Variants in CFAP299 observed in about 807,000 individuals in gnomAD.
CFAP299 encodes cilia- and flagella-associated protein 299.
CFAP299 carries 21 observed loss-of-function variants against 27.0 expected under a neutral mutation model. The observed-to-expected ratio is 0.78, with a 90% CI of 0.55 to 1.12. The LOEUF is 1.12. Ranked by LOEUF, CFAP299 falls within the 50% of genes most tolerant of loss-of-function variation. CFAP299 has a pLI of 0.00. For synonymous variants in CFAP299, 104 were observed against 98.1 expected, an observed-to-expected ratio of 1.06 and a Z score of -0.36; for missense variants, 310 against 276.6, an observed-to-expected ratio of 1.12 and a Z score of -0.86.
At position 80,386,582 on chromosome 4, in the gene CFAP299, T is replaced by C. The variant is rs569067831; in HGVS notation, c.242+23698T>C. 1.1e-5 allele frequency: 18 copies of C among 1,597,586 alleles called. No individual in the cohort carries two copies. In the Admixed American group the frequency reaches 2.5e-4, roughly 22 times the overall value. ...GGGGCCGAGACGACAGCGGTGATCT[T>C]TGAGGTATTTGTGGCGGAAAAAGCC... On this transcript the variant is annotated intron_variant, in intron 2 of 5. Transcript: ENST00000358105.
At chr4:80,872,562 A>G (rs1412514191) in intron 4 of CFAP299, 1 of 152,102 alleles carries the variant, frequency 6.6e-6, no homozygotes, top group Non-Finnish European at 1.5e-5. Context: ...TATTTTTCAG[A>G]GTAGTTGTAT....
chr4:80,408,052 ATGGATATT>A (rs1726522510), intron 2 of CFAP299, among the ~76,000 whole-genome samples: 1 of 152,066 alleles, frequency 6.6e-6, no homozygotes, highest in African/African-American at 2.4e-5. Flanking sequence ...TTTCTTGTTG[ATGGATATT>A]TGGATTTCTT....
At chr4:80,710,861 A>C (rs1722121772) in intron 3 of CFAP299, among the ~76,000 whole-genome samples, 2 of 152,140 alleles carry the variant, frequency 1.3e-5, no homozygotes, top group South Asian at 4.1e-4. Flanking sequence ...CTGGGACTTC[A>C]CAAACAAATC....
chr4:80,584,534 C>A (rs1736335427), intron 3 of CFAP299, among the ~76,000 whole-genome samples: 1 of 151,974 alleles, frequency 6.6e-6, no homozygotes, highest in Admixed American at 6.6e-5. Flanking sequence ...ATTTACAGAG[C>A]AGATCAACCT....
chr4:80,390,249 G>A (rs1725252153), intron 2 of CFAP299, among the ~76,000 whole-genome samples: 1 of 151,676 alleles, frequency 6.6e-6, no homozygotes, highest in South Asian at 2.1e-4. Flanking sequence ...TACTGAAACT[G>A]TATACCCTTT....
At chr4:80,860,398 T>G (rs140976945) in intron 3 of CFAP299, among the ~76,000 whole-genome samples, 15 of 152,328 alleles carry the variant, frequency 9.8e-5, no homozygotes, top group Non-Finnish European at 2.1e-4. Context: ...GAGGCCTTCT[T>G]CTCTCAACTC....
At chr4:80,510,625 T>C (rs1343081986) in intron 2 of CFAP299, among the ~76,000 whole-genome samples, 1 of 152,178 alleles carries the variant, frequency 6.6e-6, no homozygotes, top group Non-Finnish European at 1.5e-5. Context: ...TGACCCAGCC[T>C]CTGCTTCTAG....
chr4:80,904,402 G>T (rs938011357), intron 4 of CFAP299, among the ~76,000 whole-genome samples: 1 of 152,262 alleles, frequency 6.6e-6, no homozygotes, highest in Non-Finnish European at 1.5e-5. Context: ...CCAGGTCCTA[G>T]TCAGATTGGC....
Position 80,825,049 on chromosome 4 carries a change from T to A in CFAP299, c.334-44944T>A, listed in dbSNP as rs930455016. Among the ~76,000 whole-genome samples, 5 of 151,930 alleles carry A rather than the reference T, an allele frequency of 3.3e-5. No individual in the cohort carries two copies. In the South Asian group the frequency reaches 8.3e-4, roughly 25 times the overall value. On this transcript the variant is annotated intron_variant, in intron 3 of 5. Transcript: ENST00000358105. ...CAAGAAAAGAATGTATATAAAAATG[T>A]ATATATCAACAAAGAGATATAAACC...
chr4:80,561,111 A>G (rs1735017770), intron 2 of CFAP299, among the ~76,000 whole-genome samples: 1 of 152,174 alleles, frequency 6.6e-6, no homozygotes, highest in Non-Finnish European at 1.5e-5. Flanking sequence ...GTGGCTCAGA[A>G]CAGAGACAGA....
chr4:80,686,833 C>T lies in CFAP299; in HGVS notation c.333+103650C>T, dbSNP rs543240783. On this transcript the variant is annotated intron_variant, in intron 3 of 5. Coordinates refer to ENST00000358105, the MANE Select transcript of CFAP299 (RefSeq NM_152770.3). ...CAGCACAGTGATTTGGTGGCATGTG[C>T]GTGGTATAACATTTCTGTTCCTTCC... Among the ~76,000 whole-genome samples, 3 of 152,190 alleles carry T rather than the reference C, an allele frequency of 2.0e-5. No homozygotes were observed. In the South Asian group the frequency reaches 6.2e-4, roughly 32 times the overall value.
chr4:80,592,953 G>C (rs186677898), intron 3 of CFAP299, among the ~76,000 whole-genome samples: 329 of 152,284 alleles, frequency 2.2e-3, no homozygotes, highest in Non-Finnish European at 3.3e-3. Flanking sequence ...CTAAGATGTG[G>C]TGAAATAATT....
chr4:80,901,593 G>A (rs1734901865), intron 4 of CFAP299, among the ~76,000 whole-genome samples: 1 of 152,042 alleles, frequency 6.6e-6, no homozygotes. Flanking sequence ...TTATTTACTT[G>A]TAGTTTTAAA....
At chr4:80,772,051 GGTT>G (rs1297040467) in intron 3 of CFAP299, among the ~76,000 whole-genome samples, 1 of 152,160 alleles carries the variant, frequency 6.6e-6, no homozygotes, top group Non-Finnish European at 1.5e-5. Context: ...CAGTACTTCA[GGTT>G]ATTATGAACA....
intron 2 of CFAP299, among the ~76,000 whole-genome samples, chr4:80,510,599 C>A (rs372305895): frequency 6.6e-6 from 1 of 152,174 alleles, no homozygotes; most frequent in South Asian, 2.1e-4. Flanking sequence ...CAACAGTACA[C>A]AAGTACCTGA....
At chr4:80,795,805 C>T (rs957596797) in intron 3 of CFAP299, among the ~76,000 whole-genome samples, 2 of 152,098 alleles carry the variant, frequency 1.3e-5, no homozygotes, top group African/African-American at 4.8e-5. Context: ...ATTCAGTTTC[C>T]ACCAAAGCCC....
intron 3 of CFAP299, among the ~76,000 whole-genome samples, chr4:80,774,658 CAT>C (rs1464763134): frequency 6.6e-6 from 1 of 151,868 alleles, no homozygotes; most frequent in African/African-American, 2.4e-5. Flanking sequence ...ACATAATTTT[CAT>C]ATGTCGATTT....
Position 80,687,695 on chromosome 4 carries a change from C to T in CFAP299, c.333+104512C>T, listed in dbSNP as rs190335556. Among the ~76,000 whole-genome samples, 770 of 152,200 alleles carry T rather than the reference C, an allele frequency of 5.1e-3. 5 individuals are homozygous for T. The highest frequency in any genetic ancestry group is 0.02 in the Middle Eastern group (6 of 294). On this transcript the variant is annotated intron_variant, in intron 3 of 5. Coordinates refer to ENST00000358105, the MANE Select transcript of CFAP299 (RefSeq NM_152770.3). ...TTCTGGAGGGAGGAGGCAAGATGGC[C>T]GAATAGGAACAGCTCCGGTCTACAG...
At chr4:80,797,287 G>C (rs986478407) in intron 3 of CFAP299, among the ~76,000 whole-genome samples, 2 of 152,128 alleles carry the variant, frequency 1.3e-5, no homozygotes, top group African/African-American at 4.8e-5. Context: ...CATTCAAAGG[G>C]TTTTGGGTCT....
Sources: allele counts gnomAD v4.1 joint callset (sites outside exome capture counted in the v4.1 genomes callset), GRCh38; gene constraint gnomAD v4.1.1; transcripts MANE v1.5; gene names NCBI Gene and HGNC (gene_info 2026-07-23, HGNC 2026-07-21).